The following GGT1 variants were observed in gnomAD, a reference collection of about 807,000 sequenced individuals.
GGT1 encodes the protein gamma-glutamyltransferase 1.
A neutral mutation model predicts 56.0 loss-of-function variants in GGT1; 21 were observed. That is an observed-to-expected ratio of 0.38 (90% CI 0.27 to 0.54). The LOEUF (loss-of-function observed/expected upper bound fraction) is 0.54. Ranked by LOEUF, GGT1 falls within the 20% of genes least tolerant of loss-of-function variation. The pLI is 0.82. For missense variants in GGT1, 466 were observed against 787.0 expected (o/e 0.59, Z 4.88); for synonymous variants, 238 against 342.6 (o/e 0.69, Z 3.37).
At chr22:24,592,728 G>A (rs2147177513), upstream of GGT1, 2 of 1,297,402 alleles carry the variant, frequency 1.5e-6, no homozygotes, top group South Asian at 1.6e-5. Flanking sequence ...ACCCGCCTGC[G>A]CGCGCCAGAG....
At chr22:24,585,247 A>G in the GGT1 span, among the ~76,000 whole-genome samples, 1 of 152,192 alleles carries the variant, frequency 6.6e-6, no homozygotes, top group Non-Finnish European at 1.5e-5. Flanking sequence ...TGGTCTGTGC[A>G]GCCTTGTCCC....
At chr22:24,625,682 C>T (rs977561734) in intron 11 of GGT1, among the ~76,000 whole-genome samples, 1 of 151,856 alleles carries the variant, frequency 6.6e-6, no homozygotes, top group African/African-American at 2.4e-5. Context: ...GCTGGGATTA[C>T]AGGCGCCCGC....
upstream of GGT1, among the ~76,000 whole-genome samples, chr22:24,600,266 A>G (rs963684445): frequency 2.0e-5 from 3 of 152,242 alleles, no homozygotes; most frequent in African/African-American, 7.2e-5. Flanking sequence ...TGTCATCTCA[A>G]GGAATCCACC....
chr22:24,588,566 G>A, the GGT1 span: 59 of 823,594 alleles, frequency 7.2e-5, 1 homozygote, highest in Non-Finnish European at 9.4e-5. Flanking sequence ...CGCAGTGCCC[G>A]GCGGGAGGAA....
At chr22:24,596,873 G>C (rs1457560282) in intron 1 of GGT1, among the ~76,000 whole-genome samples, 3 of 142,030 alleles carry the variant, frequency 2.1e-5, no homozygotes, top group Non-Finnish European at 4.5e-5. Flanking sequence ...AGATTGCGTG[G>C]TGACTTCACT....
chr22:24,611,539 CTATCATCTATCTATCTATCTATCT>C lies in GGT1; in HGVS notation c.164+295_164+318del, dbSNP rs1184086208. The stretch of plus-strand genomic sequence containing the variant: ...CCTATCTATCTATCTATCTATCTAT[CTATCATCTATCTATCTATCTATCT>C]ATCTATCTATCTATCTATCTATCTA... On this transcript the variant is annotated intron_variant, in intron 5 of 15. Coordinates refer to ENST00000400382, the MANE Select transcript of GGT1 (RefSeq NM_001288833.2). Among the ~76,000 whole-genome samples, 569 of 129,126 alleles carry C rather than the reference CTATCATCTATCTATCTATCTATCT, an allele frequency of 4.4e-3. 2 individuals carry two copies. Among genetic ancestry groups the C allele is most frequent in the African/African-American group, 0.014 (415 of 29,934 alleles). 84.7% of individuals were successfully genotyped at this position (129,126 alleles called of 152,430 possible). A position where few individuals can be genotyped will look rare whatever the true frequency, so the allele number is the denominator to read the frequency against.
chr22:24,606,226 G>A (rs1382628048), intron 1 of GGT1, among the ~76,000 whole-genome samples: 2 of 148,786 alleles, frequency 1.3e-5, no homozygotes, highest in African/African-American at 5.0e-5. Flanking sequence ...CCATGTTGGT[G>A]TGCTGCACCC....
chr22:24,618,778 G>T (rs1441705617), intron 7 of GGT1, among the ~76,000 whole-genome samples: 1 of 152,188 alleles, frequency 6.6e-6, no homozygotes, highest in Non-Finnish European at 1.5e-5. Flanking sequence ...TAGAGCCACA[G>T]CTGCCAAGCC....
the GGT1 span, chr22:24,585,912 CG>C: frequency 1.9e-6 from 3 of 1,599,980 alleles, no homozygotes; most frequent in Non-Finnish European, 2.6e-6. Context: ...GCCTGGGGCT[CG>C]GGTCCCAGCC....
the GGT1 span, chr22:24,583,772 C>T: frequency 4.2e-6 from 2 of 471,004 alleles, no homozygotes; most frequent in Non-Finnish European, 8.8e-6. Context: ...CCAGAGATTG[C>T]CTGGAACACC....
upstream of GGT1, among the ~76,000 whole-genome samples, chr22:24,600,123 C>A (rs1349355494): frequency 6.6e-6 from 1 of 152,178 alleles, no homozygotes; most frequent in South Asian, 2.1e-4. Flanking sequence ...GACAGGGCGG[C>A]CAGGAGGGGG....
At chr22:24,595,076 C>A (rs2045670056) in intron 1 of GGT1, among the ~76,000 whole-genome samples, 1 of 152,162 alleles carries the variant, frequency 6.6e-6, no homozygotes, top group Non-Finnish European at 1.5e-5. Flanking sequence ...ATGAAAGGGG[C>A]AACCTAGGCA....
chr22:24,587,963 G>A, the GGT1 span, among the ~76,000 whole-genome samples: 1 of 152,202 alleles, frequency 6.6e-6, no homozygotes, highest in Non-Finnish European at 1.5e-5. Flanking sequence ...ATTGAGGGAT[G>A]TATGAATGGC....
At position 24,620,527 on chromosome 22, in the gene GGT1, C is replaced by T; in HGVS notation, c.575+7C>T. On this transcript the variant is annotated splice_region_variant and intron_variant, in intron 8 of 15. Transcript: ENST00000400382. This position sits in a 1 kb window ranked among gnomAD's most constrained non-coding sequence, Gnocchi z 5.6. Reference sequence around the variant, plus strand: ...AGCAGCAGCCTGTCTTGTGGTATGTCTGTGGGTGCGGCCCCCTGACACAGG... The same window carrying T: ...AGCAGCAGCCTGTCTTGTGGTATGTTTGTGGGTGCGGCCCCCTGACACAGG... 6.2e-7 allele frequency: 1 copy of T among 1,611,906 alleles called. No homozygotes were observed. Among genetic ancestry groups the T allele is most frequent in the East Asian group, 2.2e-5 (1 of 44,862 alleles).
intron 6 of GGT1, 25 bp downstream of exon 6, chr22:24,614,931 G>C: frequency 4.3e-6 from 7 of 1,610,030 alleles, no homozygotes; most frequent in Non-Finnish European, 5.9e-6. Flanking sequence ...AGAGGAGAGG[G>C]AGAGGGGCAG....
upstream of GGT1, among the ~76,000 whole-genome samples, chr22:24,593,997 C>A (rs921023870): frequency 6.6e-6 from 1 of 152,218 alleles, no homozygotes; most frequent in African/African-American, 2.4e-5. Context: ...GGCAAGCTGG[C>A]AGCAGGCGGG....
intron 1 of GGT1, among the ~76,000 whole-genome samples, chr22:24,606,836 G>A (rs2046350817): frequency 6.6e-6 from 1 of 151,772 alleles, no homozygotes; most frequent in Admixed American, 6.6e-5. Context: ...TAGGTGTTAT[G>A]GGCACGGAAT....
chr22:24,605,453 ATTATATATAATATAATATTATATAATG>A (rs1569048559), intron 1 of GGT1, among the ~76,000 whole-genome samples: 781 of 75,910 alleles, frequency 0.01, 299 homozygotes, highest in African/African-American at 0.048. Flanking sequence ...TATAATGTGT[ATTATATATAATATAATATTATATAATG>A]TGTATTATAT....
intron 1 of GGT1, among the ~76,000 whole-genome samples, chr22:24,605,038 A>AATATGTAATATATTATATATT (rs2045954083): frequency 1.4e-5 from 1 of 71,806 alleles, no homozygotes; most frequent in Non-Finnish European, 2.5e-5. Context: ...ATATATATAA[A>AATATGTAATATATTATATATT]ATATGTAATA....
Sources: gnomAD v4.1 joint callset for allele counts (sites outside exome capture counted in the v4.1 genomes callset) on GRCh38, gnomAD v4.1.1 for gene constraint, Gnocchi (gnomAD v3.1) non-coding constraint, MANE v1.5 for transcripts, NCBI Gene and HGNC (gene_info 2026-07-23, HGNC 2026-07-21) for gene names.